The following SGCZ variants were observed in gnomAD, a reference collection of about 807,000 sequenced individuals.
SGCZ encodes the protein sarcoglycan zeta.
Under a neutral mutation model 41.3 loss-of-function variants are expected in SGCZ, and 40 were observed. That is an observed-to-expected ratio of 0.97 (90% CI 0.75 to 1.26). SGCZ has a LOEUF of 1.26. Ranked by LOEUF, SGCZ falls within the 50% of genes most tolerant of loss-of-function variation. The pLI is 0.00. For synonymous variants in SGCZ, 206 were observed against 137.5 expected (o/e 1.50, Z -3.49); for missense variants, 552 against 369.8 (o/e 1.49, Z -4.04).
chr8:14,256,976 T>C (rs1253087429), intron 3 of SGCZ, among the ~76,000 whole-genome samples: 1 of 152,172 alleles, frequency 6.6e-6, no homozygotes, highest in Non-Finnish European at 1.5e-5. Context: ...ATCACTTTTA[T>C]TTAACCTCAA....
At chr8:14,340,369 C>A (rs1802659467) in intron 2 of SGCZ, among the ~76,000 whole-genome samples, 1 of 152,142 alleles carries the variant, frequency 6.6e-6, no homozygotes, top group Admixed American at 6.5e-5. Context: ...TATTGTTTTA[C>A]AAGCATTCCC....
intron 1 of SGCZ, among the ~76,000 whole-genome samples, chr8:14,622,423 T>A (rs1434371797): frequency 6.6e-6 from 1 of 152,176 alleles, no homozygotes; most frequent in East Asian, 1.9e-4. Context: ...TGATTCCAAG[T>A]GTGATATTCT....
At chr8:14,191,006 C>T (rs1362290379) in intron 4 of SGCZ, among the ~76,000 whole-genome samples, 1 of 152,158 alleles carries the variant, frequency 6.6e-6, no homozygotes, top group Non-Finnish European at 1.5e-5. Context: ...TCGTCAACAC[C>T]TGTAATGACT....
intron 2 of SGCZ, among the ~76,000 whole-genome samples, chr8:14,330,549 T>G (rs1283047147): frequency 6.6e-6 from 1 of 152,020 alleles, no homozygotes; most frequent in Non-Finnish European, 1.5e-5. Flanking sequence ...ACCTACGATT[T>G]AAGAATATTT....
chr8:15,194,697 G>T (rs1408405163), intron 1 of SGCZ, among the ~76,000 whole-genome samples: 2 of 152,158 alleles, frequency 1.3e-5, no homozygotes, highest in African/African-American at 4.8e-5. Flanking sequence ...TGGCTTTGAA[G>T]ATGGAGGAGG....
chr8:14,826,546 A>G (rs1802326755), intron 1 of SGCZ, among the ~76,000 whole-genome samples: 1 of 152,112 alleles, frequency 6.6e-6, no homozygotes. Flanking sequence ...TTACAGTCCC[A>G]CCAACAGTGT....
intron 4 of SGCZ, among the ~76,000 whole-genome samples, chr8:14,233,546 A>G (rs1260642585): frequency 1.3e-5 from 2 of 148,966 alleles, no homozygotes; most frequent in African/African-American, 2.4e-5. Context: ...TAAAAACTGC[A>G]TAATACTTTA....
At chr8:15,004,747 T>G (rs564826327) in intron 1 of SGCZ, among the ~76,000 whole-genome samples, 1 of 152,258 alleles carries the variant, frequency 6.6e-6, no homozygotes, top group South Asian at 2.1e-4. Context: ...AACAAAAGTA[T>G]GTATTATAAG....
chr8:14,562,836 T>C (rs1804246249), intron 1 of SGCZ, among the ~76,000 whole-genome samples: 1 of 151,968 alleles, frequency 6.6e-6, no homozygotes, highest in South Asian at 2.1e-4. Flanking sequence ...GGAAAATGAA[T>C]GTGAGATCAA....
chr8:14,963,306 C>G (rs776945447), intron 1 of SGCZ, among the ~76,000 whole-genome samples: 1 of 151,426 alleles, frequency 6.6e-6, no homozygotes, highest in Non-Finnish European at 1.5e-5. Flanking sequence ...TGGAAGCTAT[C>G]CAGTGAGGTA....
chr8:14,454,562 A>G (rs1002840309), intron 2 of SGCZ, among the ~76,000 whole-genome samples: 1 of 152,198 alleles, frequency 6.6e-6, no homozygotes, highest in Non-Finnish European at 1.5e-5. Context: ...AGTAAAGTTC[A>G]TACGTAAAAA....
intron 1 of SGCZ, among the ~76,000 whole-genome samples, chr8:15,224,608 A>C (rs1585692367): frequency 6.6e-6 from 1 of 152,328 alleles, no homozygotes; most frequent in African/African-American, 2.4e-5. Context: ...AATAAACGTA[A>C]ATAAGCTAAA....
At chr8:14,650,560 C>T (rs531985433) in intron 1 of SGCZ, among the ~76,000 whole-genome samples, 3 of 151,918 alleles carry the variant, frequency 2.0e-5, no homozygotes, top group South Asian at 2.1e-4. Context: ...TTTGTGTCCA[C>T]GTGTCCTCAT....
chr8:14,790,647 T>A (rs1225579436), intron 1 of SGCZ, among the ~76,000 whole-genome samples: 2 of 152,102 alleles, frequency 1.3e-5, no homozygotes, highest in Non-Finnish European at 2.9e-5. Context: ...AGTTAAGTAA[T>A]AAGATTGATT....
At chr8:14,694,302 G>T (rs1029286318) in intron 1 of SGCZ, among the ~76,000 whole-genome samples, 2 of 152,092 alleles carry the variant, frequency 1.3e-5, no homozygotes, top group South Asian at 4.1e-4. Flanking sequence ...TCTTACAAAA[G>T]TGCTCTTTGA....
At chr8:14,968,595 T>C (rs1463857623) in intron 1 of SGCZ, among the ~76,000 whole-genome samples, 2 of 152,102 alleles carry the variant, frequency 1.3e-5, no homozygotes, top group Non-Finnish European at 2.9e-5. Flanking sequence ...CTCAGTACTG[T>C]AGATGACGTG....
chr8:14,902,924 T>A (rs1799013258), intron 1 of SGCZ, among the ~76,000 whole-genome samples: 1 of 152,148 alleles, frequency 6.6e-6, no homozygotes, highest in Admixed American at 6.6e-5. Context: ...GAAGGAATGT[T>A]AGAAAAACGA....
intron 1 of SGCZ, among the ~76,000 whole-genome samples, chr8:14,848,133 T>G (rs73201276): frequency 0.4 from 60,404 of 151,958 alleles, 13,152 homozygotes; most frequent in East Asian, 0.61. Flanking sequence ...AGCATAAAAT[T>G]ATAAAATTCT....
intron 2 of SGCZ, among the ~76,000 whole-genome samples, chr8:14,343,787 G>A (rs1380378620): frequency 6.6e-6 from 1 of 151,892 alleles, no homozygotes; most frequent in Non-Finnish European, 1.5e-5. Context: ...TCCTCTCTAA[G>A]CAAAGATAAC....
Sources: gnomAD v4.1 joint callset for allele counts (sites outside exome capture counted in the v4.1 genomes callset) on GRCh38, gnomAD v4.1.1 for gene constraint, MANE v1.5 for transcripts, NCBI Gene and HGNC (gene_info 2026-07-23, HGNC 2026-07-21) for gene names.